The following DOK6 variants were observed in gnomAD, a reference collection of about 807,000 sequenced individuals.
DOK6 encodes downstream of tyrosine kinase 6.
Under a neutral mutation model 44.0 loss-of-function variants are expected in DOK6, and 22 were observed. The ratio of observed to expected loss-of-function variants is 0.50; its 90% confidence interval spans 0.36 to 0.71. DOK6 has a LOEUF of 0.71. Among genes scored for constraint, DOK6 ranks in the 30% least tolerant of loss-of-function variants. DOK6 has a pLI of 0.00. For synonymous variants in DOK6, 166 were observed against 145.5 expected (o/e 1.14, Z -1.01); for missense variants, 340 against 416.4 (o/e 0.82, Z 1.60).
At position 69,847,906 on chromosome 18, in the gene DOK6, A is replaced by T. The variant is rs1405459911; in HGVS notation, c.*6523A>T. On this transcript the variant is annotated 3_prime_UTR_variant, in exon 8 of 8. Coordinates refer to ENST00000382713, the MANE Select transcript of DOK6 (RefSeq NM_152721.6). ...TTATAGCAAGCAGTACATAAATGACATCAACAACTCAGGCTGCTCCCTGAC... is the reference window on the plus strand; with the variant it reads ...TTATAGCAAGCAGTACATAAATGACTTCAACAACTCAGGCTGCTCCCTGAC... The T allele has an allele frequency of 1.3e-5, 2 of 152,048 alleles. No homozygotes were observed. Among genetic ancestry groups the T allele is most frequent in the East Asian group, 3.9e-4 (2 of 5,184 alleles). The allele number at this position is 152,048 out of a possible 1,614,324, so 9.4% of individuals were successfully genotyped here.
At chr18:69,763,918 T>C (rs1979638457) in intron 7 of DOK6, among the ~76,000 whole-genome samples, 1 of 152,214 alleles carries the variant, frequency 6.6e-6, no homozygotes, top group Non-Finnish European at 1.5e-5. Context: ...TACATGGAGA[T>C]ATGTGACATC....
intron 3 of DOK6, among the ~76,000 whole-genome samples, chr18:69,631,699 C>T (rs1984693961): frequency 6.6e-6 from 1 of 152,134 alleles, no homozygotes; most frequent in South Asian, 2.1e-4. Context: ...ACGTTTGATA[C>T]CGTGAATACA....
chr18:69,689,974 T>C (rs917903168), intron 4 of DOK6, among the ~76,000 whole-genome samples: 3 of 152,156 alleles, frequency 2.0e-5, no homozygotes, highest in Non-Finnish European at 4.4e-5. Flanking sequence ...ATACTTTCAG[T>C]ATAATAATTG....
At chr18:69,533,538 G>T (rs1376501817) in intron 1 of DOK6, among the ~76,000 whole-genome samples, 5 of 151,960 alleles carry the variant, frequency 3.3e-5, no homozygotes, top group Admixed American at 2.0e-4. Context: ...TGCAGGAAAG[G>T]AACTTTAGTA....
rs1568341255 is a variant in DOK6, at chr18:69,712,309, A to T, written c.599+13716A>T. Among the ~76,000 whole-genome samples the T allele has an allele frequency of 2.5e-4, 30 of 121,342 alleles. 1 individual carries two copies. The highest frequency in any genetic ancestry group is 4.0e-4 in the African/African-American group (12 of 29,730). The allele number at this position is 121,342 out of a possible 152,430, so 79.6% of individuals were successfully genotyped here. A position where few individuals can be genotyped will look rare whatever the true frequency, so the allele number is the denominator to read the frequency against. On this transcript the variant is annotated intron_variant, in intron 5 of 7. Transcript: ENST00000382713. ...AAAAAAAAAAAAAAAAAAAAAAAAA[A>T]AAAAAAAAAAAAAAAAATTTAACCT... is the stretch of plus-strand genomic sequence containing the variant.
intron 1 of DOK6, among the ~76,000 whole-genome samples, chr18:69,452,128 G>A: frequency 6.6e-6 from 1 of 152,036 alleles, no homozygotes; most frequent in East Asian, 1.9e-4. Context: ...CCAGGAGCTG[G>A]TTTTTGGAAA....
intron 7 of DOK6, among the ~76,000 whole-genome samples, chr18:69,778,595 A>G (rs1980154905): frequency 6.6e-6 from 1 of 152,204 alleles, no homozygotes; most frequent in Non-Finnish European, 1.5e-5. Context: ...ATACTAATGC[A>G]AATGCTAAAT....
chr18:69,555,627 T>C (rs143473335), intron 1 of DOK6, among the ~76,000 whole-genome samples: 7 of 152,324 alleles, frequency 4.6e-5, no homozygotes, highest in African/African-American at 1.7e-4. Context: ...TTACGGTGTC[T>C]TCTAATTGGT....
At chr18:69,508,031 G>C (rs1318955197) in intron 1 of DOK6, among the ~76,000 whole-genome samples, 1 of 152,068 alleles carries the variant, frequency 6.6e-6, no homozygotes, top group Non-Finnish European at 1.5e-5. Context: ...GTCAGATTGA[G>C]GGATTTTCCT....
chr18:69,571,676 CA>C (rs1476568542), intron 2 of DOK6, among the ~76,000 whole-genome samples: 1 of 151,754 alleles, frequency 6.6e-6, no homozygotes, highest in Non-Finnish European at 1.5e-5. Context: ...TTCATCAGGA[CA>C]AATAAAAATC....
At chr18:69,563,806 A>T (rs1362268292) in intron 1 of DOK6, among the ~76,000 whole-genome samples, 1 of 152,174 alleles carries the variant, frequency 6.6e-6, no homozygotes, top group Non-Finnish European at 1.5e-5. Context: ...TATAATAAAA[A>T]AAAAAAGATT....
At chr18:69,509,029 A>T (rs1981273282) in intron 1 of DOK6, among the ~76,000 whole-genome samples, 1 of 152,186 alleles carries the variant, frequency 6.6e-6, no homozygotes, top group African/African-American at 2.4e-5. Context: ...TGTATTCCAC[A>T]TTTGTGTAGC....
intron 6 of DOK6, among the ~76,000 whole-genome samples, chr18:69,751,174 T>A (rs564947667): frequency 6.6e-6 from 1 of 152,178 alleles, no homozygotes; most frequent in Non-Finnish European, 1.5e-5. Context: ...TTTATTTTGA[T>A]TTTGAGTGTT....
chr18:69,739,111 C>T lies in DOK6; in HGVS notation c.738+8C>T, dbSNP rs202037921. 8.6e-4 allele frequency: 1,388 copies of T among 1,613,498 alleles called. No homozygotes were observed. The highest frequency in any genetic ancestry group is 1.3e-3 in the Middle Eastern group (8 of 6,052). ...ATGGAACAGAAGGCCCGGGTAAGGCCCCTTCCTTGGTAACCTATCAGCTTG... is the reference window on the plus strand; with the variant it reads ...ATGGAACAGAAGGCCCGGGTAAGGCTCCTTCCTTGGTAACCTATCAGCTTG... On this transcript the variant is annotated splice_region_variant and intron_variant, in intron 6 of 7. Transcript: ENST00000382713.
intron 7 of DOK6, among the ~76,000 whole-genome samples, chr18:69,776,992 A>C (rs1234327486): frequency 1.1e-5 from 1 of 88,138 alleles, no homozygotes; most frequent in East Asian, 3.9e-4. Flanking sequence ...CACTCTGGGG[A>C]CTGTTGTTGG....
intron 1 of DOK6, among the ~76,000 whole-genome samples, chr18:69,452,479 G>A (rs1979499741): frequency 7.8e-6 from 1 of 127,958 alleles, no homozygotes; most frequent in Non-Finnish European, 1.6e-5. Flanking sequence ...TTCTACCAGA[G>A]GTACAAGGAG....
At chr18:69,624,876 C>A (rs1425849248) in intron 3 of DOK6, among the ~76,000 whole-genome samples, 1 of 152,024 alleles carries the variant, frequency 6.6e-6, no homozygotes, top group Non-Finnish European at 1.5e-5. Flanking sequence ...TATTAAACAT[C>A]GTCTTTTCTT....
intron 2 of DOK6, among the ~76,000 whole-genome samples, chr18:69,588,691 G>A (rs1324924236): frequency 2.0e-5 from 3 of 152,102 alleles, no homozygotes; most frequent in Non-Finnish European, 4.4e-5. Flanking sequence ...GGCAGATAAC[G>A]GAACAAAATC....
intron 3 of DOK6, among the ~76,000 whole-genome samples, chr18:69,651,856 C>T (rs1266157829): frequency 3.9e-5 from 6 of 152,100 alleles, no homozygotes; most frequent in Non-Finnish European, 8.8e-5. Flanking sequence ...ATCTCTCTGA[C>T]CTCCATTGGT....
Sources: allele counts gnomAD v4.1 joint callset (sites outside exome capture counted in the v4.1 genomes callset), GRCh38; gene constraint gnomAD v4.1.1; transcripts MANE v1.5; gene names NCBI Gene and HGNC (gene_info 2026-07-23, HGNC 2026-07-21).